Variants in CLNK observed in about 807,000 individuals in gnomAD.
CLNK encodes the protein cytokine dependent hematopoietic cell linker, also known as cytokine-dependent hematopoietic cell linker.
In CLNK, 74 loss-of-function variants were observed where a neutral mutation model predicts 68.6. The ratio of observed to expected loss-of-function variants is 1.08; its 90% CI spans 0.89 to 1.31. CLNK has a LOEUF of 1.31. Ranked by LOEUF, CLNK falls within the 50% of genes most tolerant of loss-of-function variation. The pLI is 0.00. For synonymous variants in CLNK, 198 were observed against 172.2 expected (o/e 1.15, Z -1.17); for missense variants, 553 against 515.3 (o/e 1.07, Z -0.71).
chr4:10,705,001 G>T, the CLNK span, among the ~76,000 whole-genome samples: 1 of 152,180 alleles, frequency 6.6e-6, no homozygotes, highest in Non-Finnish European at 1.5e-5. Context: ...TGGCCCAAGC[G>T]TGGGGCATGG....
chr4:10,636,453 C>T (rs1448483413), intron 2 of CLNK, among the ~76,000 whole-genome samples: 1 of 152,204 alleles, frequency 6.6e-6, no homozygotes, highest in Non-Finnish European at 1.5e-5. Context: ...CATCGCCCTG[C>T]TCACAACCTT....
At chr4:10,524,082 AGAG>A (rs139071878) in intron 14 of CLNK, 2,451 of 149,104 alleles carry the variant, frequency 0.016, 61 homozygotes, top group African/African-American at 0.067. Context: ...AAGAAAGAAA[AGAG>A]AAGAGGAGGA....
intron 3 of CLNK, 97 bp from the exon 4 acceptor site, chr4:10,585,052 A>C (rs893643429): frequency 7.6e-7 from 1 of 1,308,652 alleles, no homozygotes; most frequent in African/African-American, 1.5e-5. Flanking sequence ...GTCATTGTAC[A>C]AGTCAGCCTC....
chr4:10,592,139 T>C (rs1721202139), intron 3 of CLNK, among the ~76,000 whole-genome samples: 1 of 152,222 alleles, frequency 6.6e-6, no homozygotes, highest in Non-Finnish European at 1.5e-5. Flanking sequence ...GACGATGACA[T>C]ATAATTATTC....
At chr4:10,682,782 C>A (rs975946850) in intron 1 of CLNK, among the ~76,000 whole-genome samples, 6 of 152,156 alleles carry the variant, frequency 3.9e-5, no homozygotes, top group African/African-American at 1.4e-4. Context: ...GCTCTGCCTA[C>A]TTCATTAAGC....
chr4:10,593,500 C>T (rs148610182), intron 3 of CLNK, among the ~76,000 whole-genome samples: 251 of 152,166 alleles, frequency 1.6e-3, no homozygotes, highest in African/African-American at 5.5e-3. Context: ...ACTAAAAATA[C>T]AAAACTTGCT....
intron 3 of CLNK, among the ~76,000 whole-genome samples, chr4:10,593,104 C>T (rs1721241955): frequency 6.6e-6 from 1 of 152,190 alleles, no homozygotes; most frequent in Non-Finnish European, 1.5e-5. Context: ...TTCCCTGCAT[C>T]CTCTGTGAAA....
intron 2 of CLNK, among the ~76,000 whole-genome samples, chr4:10,627,967 C>T (rs904183882): frequency 2.0e-5 from 3 of 152,234 alleles, no homozygotes; most frequent in African/African-American, 7.2e-5. Context: ...GAGGTCCCCG[C>T]ATAATTCACT....
chr4:10,699,172 G>T, the CLNK span, among the ~76,000 whole-genome samples: 2 of 108,900 alleles, frequency 1.8e-5, no homozygotes, highest in African/African-American at 6.6e-5. Context: ...AATTCCTTAC[G>T]TTTCTTTCTC....
chr4:10,587,632 C>T (rs1721017254), intron 3 of CLNK, among the ~76,000 whole-genome samples: 1 of 152,188 alleles, frequency 6.6e-6, no homozygotes, highest in Non-Finnish European at 1.5e-5. Flanking sequence ...CTGACTTCAG[C>T]GTAACTTACT....
rs114057565 is a variant in CLNK, at chr4:10,531,088, A to G, written c.630+1168T>C. On this transcript the variant is annotated intron_variant, in intron 12 of 18. Coordinates refer to ENST00000226951, the MANE Select transcript of CLNK (RefSeq NM_052964.4). ...CCAACAAATGAAAAAGAAAGCAAGG[A>G]AAGACATTCACGTCTACTATATAGA... 6.5e-3 allele frequency among the ~76,000 whole-genome samples: 992 copies of G among 152,352 alleles called. 11 individuals are homozygous for G. The highest frequency in any genetic ancestry group is 0.023 in the African/African-American group (943 of 41,576).
intron 7 of CLNK, among the ~76,000 whole-genome samples, chr4:10,562,649 C>G (rs547429923): frequency 6.6e-6 from 1 of 152,258 alleles, no homozygotes; most frequent in African/African-American, 2.4e-5. Flanking sequence ...TGTGATCTGC[C>G]TACTTCAGAC....
intron 2 of CLNK, among the ~76,000 whole-genome samples, chr4:10,603,537 T>A (rs1721671534): frequency 6.6e-6 from 1 of 152,226 alleles, no homozygotes; most frequent in African/African-American, 2.4e-5. Flanking sequence ...AAGCAGACTC[T>A]GAGACAGAGA....
intron 3 of CLNK, among the ~76,000 whole-genome samples, chr4:10,586,826 G>T (rs1401118599): frequency 2.0e-5 from 3 of 152,110 alleles, no homozygotes; most frequent in Admixed American, 6.6e-5. Context: ...TGCCTACATG[G>T]CACTTGATTC....
chr4:10,519,474 C>T (rs1717971585), intron 15 of CLNK, among the ~76,000 whole-genome samples: 1 of 152,206 alleles, frequency 6.6e-6, no homozygotes, highest in Non-Finnish European at 1.5e-5. Flanking sequence ...TCATCTTCAT[C>T]CACCCAGATC....
At chr4:10,621,026 C>T (rs752266130) in intron 2 of CLNK, among the ~76,000 whole-genome samples, 11 of 151,898 alleles carry the variant, frequency 7.2e-5, no homozygotes, top group East Asian at 1.9e-4. Flanking sequence ...AGGATAATGG[C>T]GTGAACCCGG....
chr4:10,580,248 A>G (rs10030578), intron 4 of CLNK, among the ~76,000 whole-genome samples: 68,600 of 152,112 alleles, frequency 0.45, 17,622 homozygotes, highest in Non-Finnish European at 0.58. Flanking sequence ...ACATTGGTGT[A>G]AACAAGCTCA....
intron 17 of CLNK, 116 bp downstream of exon 17, chr4:10,507,843 G>T: frequency 1.4e-6 from 1 of 739,762 alleles, no homozygotes. Context: ...GAAATGCAGG[G>T]TGATGCAGGA....
intron 2 of CLNK, among the ~76,000 whole-genome samples, chr4:10,649,900 G>T (rs553350350): frequency 6.6e-6 from 1 of 152,060 alleles, no homozygotes; most frequent in South Asian, 2.1e-4. Context: ...AAATGCTTCA[G>T]ATAACAGCAG....
Sources: allele counts gnomAD v4.1 joint callset (sites outside exome capture counted in the v4.1 genomes callset), GRCh38; gene constraint gnomAD v4.1.1; transcripts MANE v1.5; gene names NCBI Gene and HGNC (gene_info 2026-07-23, HGNC 2026-07-21).